TRIM6: variants seen among roughly 807,000 people sequenced by gnomAD.
TRIM6 encodes tripartite motif-containing protein 6.
In TRIM6, 43 loss-of-function variants were observed where a neutral mutation model predicts 51.2. That is an observed-to-expected ratio of 0.84 (90% CI 0.66 to 1.08). The LOEUF (loss-of-function observed/expected upper bound fraction) is 1.08, where lower values mean the gene tolerates loss of function less well. Among genes scored for constraint, TRIM6 ranks in the 50% least tolerant of loss-of-function variants. The pLI is 0.00. For synonymous variants in TRIM6, 215 were observed against 232.4 expected, an observed-to-expected ratio of 0.93 and a Z score of 0.68; for missense variants, 669 against 619.0, an observed-to-expected ratio of 1.08 and a Z score of -0.86.
intron 6 of TRIM6, 56 bp from the exon 7 acceptor site, chr11:5,610,479 C>A: frequency 1.2e-6 from 2 of 1,613,414 alleles, no homozygotes; most frequent in Non-Finnish European, 1.7e-6. Context: ...GAGAGAGATA[C>A]CAGACATGAG....
chr11:5,603,314 T>A lies in TRIM6; in HGVS notation c.86T>A (p.Met29Lys). The change falls in exon 2 of 8, where the codon ATG (methionine) becomes AAG (lysine). Residue 29 changes from methionine to lysine, a missense_variant. Transcript: ENST00000380097. ...GQAGARRVAT[M>K]TSPVLVDIRE... ...GCAGGAGCCAGGAGAGTAGCTACAA[T>A]GACTTCACCAGTACTGGTGGACATA... is the stretch of plus-strand genomic sequence containing the variant. 1.9e-6 allele frequency: 3 copies of A among 1,614,086 alleles called. No homozygotes were observed. The highest frequency in any genetic ancestry group is 1.1e-5 in the South Asian group (1 of 91,078).
chr11:5,608,232 GT>G (rs1200049843), intron 4 of TRIM6, 139 bp from the exon 5 acceptor site: 10 of 1,311,088 alleles, frequency 7.6e-6, no homozygotes, highest in African/African-American at 1.5e-5. Flanking sequence ...TCTGCCCTGA[GT>G]TTTTTCTCTA....
chr11:5,606,485 C>T (rs1848218482), intron 4 of TRIM6, among the ~76,000 whole-genome samples: 1 of 151,774 alleles, frequency 6.6e-6, no homozygotes, highest in South Asian at 2.1e-4. Context: ...TCGTGCTTTC[C>T]TCTTGCTCCT....
chr11:5,605,403 A>C lies in TRIM6; in HGVS notation c.670A>C (p.Arg224=). The C allele has an allele frequency of 6.2e-7, 1 of 1,614,202 alleles. No homozygotes were observed. Among genetic ancestry groups the C allele is most frequent in the Non-Finnish European group, 8.5e-7 (1 of 1,180,040 alleles). Residue 224 remains arginine, a synonymous_variant, in exon 4 of 8, where the codon AGA becomes CGA. Coordinates refer to ENST00000380097, the MANE Select transcript of TRIM6 (RefSeq NM_001003818.3). ...TAATCAGCTGCGAAATATCCTAGAC[A>C]GAGTGGAGCAACGGGAGCTGAAAAA... is the stretch of plus-strand genomic sequence containing the variant. ...EFNQLRNILD[R]VEQRELKKLE...
Position 5,601,342 on chromosome 11 carries a change from C to T in TRIM6, c.18-1904C>T, listed in dbSNP as rs529587545. On this transcript the variant is annotated intron_variant, in intron 1 of 7. Coordinates refer to ENST00000380097, the MANE Select transcript of TRIM6 (RefSeq NM_001003818.3). Reference sequence around the variant, plus strand: ...ATGATTGTGTAAAGTCACTTAATGTCTCTTCTTATTAAAGAATGGAGAATA... The same window carrying T: ...ATGATTGTGTAAAGTCACTTAATGTTTCTTCTTATTAAAGAATGGAGAATA... Among the ~76,000 whole-genome samples, 12 of 152,322 alleles carry T rather than the reference C, an allele frequency of 7.9e-5. No homozygotes were observed. The South Asian group carries it at 2.3e-3, about 29-fold the overall frequency.
intron 1 of TRIM6, 71 bp from the exon 2 acceptor site, chr11:5,603,175 G>C: frequency 6.4e-7 from 1 of 1,553,038 alleles, no homozygotes. Flanking sequence ...ATCCAGGACT[G>C]GGCAGTCAGT....
At position 5,611,096 on chromosome 11, in the gene TRIM6, G is replaced by A. The variant is rs767054107; in HGVS notation, c.1305G>A (p.Gln435=). 6.2e-7 allele frequency: 1 copy of A among 1,613,994 alleles called. No homozygotes were observed. The highest frequency in any genetic ancestry group is 8.5e-7 in the Non-Finnish European group (1 of 1,180,022). The stretch of plus-strand genomic sequence containing the variant: ...GTGGATACTGGGTGATTGGGTTACA[G>A]CATAACCATGAATATAGGGCCTATG... The part of the protein sequence containing the change: ...PQSGYWVIGL[Q]HNHEYRAYED... Residue 435 remains glutamine, a synonymous_variant, in exon 8 of 8, where the codon CAG becomes CAA. Coordinates refer to ENST00000380097, the MANE Select transcript of TRIM6 (RefSeq NM_001003818.3).
chr11:5,611,761 C>CAAACA lies in TRIM6; in HGVS notation c.*419_*420insAAACA, dbSNP rs1450387033. On this transcript the variant is annotated 3_prime_UTR_variant, in exon 8 of 8. Transcript: ENST00000380097. The stretch of plus-strand genomic sequence containing the variant: ...AGCCGCCGCGCCCAGACAGTTCTTT[C>CAAACA]GTTTTAAACAGTTACTCAGTACTAG... 2 of 186,312 alleles carry CAAACA rather than the reference C, an allele frequency of 1.1e-5. No homozygotes were observed. Among genetic ancestry groups the CAAACA allele is most frequent in the Non-Finnish European group, 2.3e-5 (2 of 88,040 alleles). 11.5% of individuals were successfully genotyped at this position (186,312 alleles called of 1,614,324 possible). A position where few individuals can be genotyped will look rare whatever the true frequency, so the allele number is the denominator to read the frequency against.
intron 1 of TRIM6, among the ~76,000 whole-genome samples, 194 bp downstream of exon 1, chr11:5,597,108 A>G (rs1437908593): frequency 6.6e-6 from 1 of 152,216 alleles, no homozygotes; most frequent in East Asian, 1.9e-4. Flanking sequence ...ATGTGTGGTT[A>G]GGAGCATAGA....
rs1050836292 is a variant in TRIM6, at chr11:5,604,646, C to G, written c.603+17C>G. ...TCCTGGAAGGCAAGGGAGACTTTTTCTGAAGATGTCCTGGGGCAGGAATCA... is the reference window on the plus strand; with the variant it reads ...TCCTGGAAGGCAAGGGAGACTTTTTGTGAAGATGTCCTGGGGCAGGAATCA... On this transcript the variant is annotated intron_variant, in intron 3 of 7. Transcript: ENST00000380097. 6.2e-6 allele frequency: 10 copies of G among 1,607,604 alleles called. No individual in the cohort carries two copies. Among genetic ancestry groups the G allele is most frequent in the Non-Finnish European group, 8.5e-6 (10 of 1,177,326 alleles).
At chr11:5,596,522 C>CCCCCTTCCCCCTTCCCCCTT (rs1458919949), upstream of TRIM6, 2 of 29,278 alleles carry the variant, frequency 6.8e-5, no homozygotes, top group East Asian at 2.1e-3. Context: ...TTCTCCCCTT[C>CCCCCTTCCCCCTTCCCCCTT]CCCCCTTCCC....
rs34210833 is a variant in TRIM6, at chr11:5,611,655, G to T, written c.*313G>T. On this transcript the variant is annotated 3_prime_UTR_variant, in exon 8 of 8. Transcript: ENST00000380097. ...TTTTATAGAGATAGGGTTTCACCGT[G>T]TTGGCCAGGCTGATCTCGAACTCCT... The T allele has an allele frequency of 0.083, 21,712 of 260,560 alleles. 1,063 individuals are homozygous for T. Among genetic ancestry groups the T allele is most frequent in the Non-Finnish European group, 0.11 (14,246 of 135,310 alleles). 16.1% of individuals were successfully genotyped at this position (260,560 alleles called of 1,614,324 possible).
intron 7 of TRIM6, 54 bp from the exon 8 acceptor site, chr11:5,610,723 T>C: frequency 6.3e-7 from 1 of 1,591,008 alleles, no homozygotes; most frequent in Non-Finnish European, 8.6e-7. Context: ...CTTCTCAGCA[T>C]AACGAGACCC....
chr11:5,610,609 T>C, intron 7 of TRIM6, 48 bp downstream of exon 7: 1 of 1,596,940 alleles, frequency 6.3e-7, no homozygotes, highest in Non-Finnish European at 8.5e-7. Flanking sequence ...CTGATCTCCT[T>C]TCACATGCCC....
intron 3 of TRIM6, 108 bp from the exon 4 acceptor site, chr11:5,605,229 G>A: frequency 6.9e-7 from 1 of 1,458,980 alleles, no homozygotes; most frequent in Non-Finnish European, 9.5e-7. Context: ...CCTCTCCCTG[G>A]GAGGCTTGGC....
In TRIM6 at chr11:5,611,225, A is replaced by G; in HGVS notation, c.1434A>G (p.Thr478=). Residue 478 remains threonine, a synonymous_variant, in exon 8 of 8, where the codon ACA becomes ACG. Coordinates refer to ENST00000380097, the MANE Select transcript of TRIM6 (RefSeq NM_001003818.3). ...EAGTVSFYNV[T]NHGFPIYTFS... ...GTACTGTCTCCTTTTATAATGTCAC[A>G]AACCATGGCTTCCCCATCTACACTT... is the stretch of plus-strand genomic sequence containing the variant. The G allele has an allele frequency of 6.2e-7, 1 of 1,612,760 alleles. No individual in the cohort carries two copies. The highest frequency in any genetic ancestry group is 8.5e-7 in the Non-Finnish European group (1 of 1,179,608).
At position 5,608,371 on chromosome 11, in the gene TRIM6, G is replaced by A. The variant is rs769233621; in HGVS notation, c.835-1G>A. 1.2e-5 allele frequency: 20 copies of A among 1,613,514 alleles called. No individual in the cohort carries two copies. Among genetic ancestry groups the A allele is most frequent in the Non-Finnish European group, 1.7e-5 (20 of 1,179,730 alleles). ...ACTTAACCTGTCTTTTTCCTTCCTA[G>A]GATGTGAGTGATGTCACAGAAAGGT... On this transcript the variant is annotated splice_acceptor_variant, in intron 4 of 7. Transcript: ENST00000380097. LOFTEE classifies it high-confidence loss of function.
chr11:5,607,715 G>C (rs11824446), intron 4 of TRIM6, among the ~76,000 whole-genome samples: 16,416 of 152,148 alleles, frequency 0.11, 1,490 homozygotes, highest in African/African-American at 0.24. Flanking sequence ...TTTAAATTTG[G>C]TGACTTAAGT....
At chr11:5,608,331 A>C in intron 4 of TRIM6, 41 bp from the exon 5 acceptor site, 1 of 1,611,982 alleles carries the variant, frequency 6.2e-7, no homozygotes, top group Non-Finnish European at 8.5e-7. Flanking sequence ...TAAGGGCATG[A>C]CCTGTTACTC....
Sources: allele counts gnomAD v4.1 joint callset (sites outside exome capture counted in the v4.1 genomes callset), GRCh38; gene constraint gnomAD v4.1.1; transcripts MANE v1.5; gene names NCBI Gene and HGNC (gene_info 2026-07-23, HGNC 2026-07-21).